CTNNA2: variants seen among roughly 807,000 people sequenced by gnomAD.
The protein encoded by CTNNA2 is catenin alpha 2.
CTNNA2 carries 42 observed loss-of-function variants against 101.0 expected under a neutral mutation model. That is an observed-to-expected ratio of 0.42 (90% CI 0.32 to 0.54). The LOEUF (loss-of-function observed/expected upper bound fraction) is 0.54, where lower values mean the gene tolerates loss of function less well. Among genes scored for constraint, CTNNA2 ranks in the 20% least tolerant of loss-of-function variants. The pLI, the probability that CTNNA2 is intolerant of heterozygous loss-of-function variation, is 0.14. For synonymous variants in CTNNA2, 450 were observed against 456.4 expected (o/e 0.99, Z 0.18); for missense variants, 871 against 1,223.1 (o/e 0.71, Z 4.29).
intron 18 of CTNNA2, among the ~76,000 whole-genome samples, chr2:80,631,875 T>C (rs1672331338): frequency 6.6e-6 from 1 of 152,122 alleles, no homozygotes; most frequent in African/African-American, 2.4e-5. Flanking sequence ...AGTGATGTAG[T>C]ACTTTTTGTT....
At chr2:79,774,518 G>C (rs114329409) in intron 3 of CTNNA2, among the ~76,000 whole-genome samples, 120 of 152,246 alleles carry the variant, frequency 7.9e-4, no homozygotes, top group African/African-American at 2.8e-3. Context: ...TAGACACTCT[G>C]GGCCAGGAGT....
chr2:79,253,372 A>G (rs1213963013), intron 2 of CTNNA2, among the ~76,000 whole-genome samples: 2 of 152,242 alleles, frequency 1.3e-5, no homozygotes, highest in Non-Finnish European at 2.9e-5. Context: ...ACTAATTAGC[A>G]TGGACAAACA....
chr2:79,865,003 G>A (rs1681923386), intron 4 of CTNNA2, among the ~76,000 whole-genome samples: 1 of 152,082 alleles, frequency 6.6e-6, no homozygotes, highest in Admixed American at 6.5e-5. Context: ...AATGACACTG[G>A]TGTCATTTTT....
At chr2:79,398,241 C>T (rs187536884) in intron 4 of CTNNA2, among the ~76,000 whole-genome samples, 47 of 152,198 alleles carry the variant, frequency 3.1e-4, no homozygotes, top group Admixed American at 1.1e-3. Context: ...CAATGGGATA[C>T]GGACGAGCTG....
Position 80,484,786 on chromosome 2 carries a change from C to T in CTNNA2, c.1291-60196C>T, listed in dbSNP as rs564856335. 4.6e-5 allele frequency among the ~76,000 whole-genome samples: 7 copies of T among 152,234 alleles called. No homozygotes were observed. In the South Asian group the frequency reaches 1.5e-3, roughly 32 times the overall value. On this transcript the variant is annotated intron_variant, in intron 9 of 18. Coordinates refer to ENST00000402739, the MANE Select transcript of CTNNA2 (RefSeq NM_001282597.3). ...CTTTGGGAGGCCAAGGCGGGCGGAT[C>T]ACTAGGTCCGGAGATCGAGACCATC... is the stretch of plus-strand genomic sequence containing the variant.
intron 3 of CTNNA2, among the ~76,000 whole-genome samples, chr2:79,833,310 T>C (rs940302125): frequency 2.0e-5 from 3 of 152,220 alleles, no homozygotes; most frequent in Non-Finnish European, 4.4e-5. Context: ...GCCATTGCAC[T>C]TCTGTCTGCT....
intron 3 of CTNNA2, among the ~76,000 whole-genome samples, chr2:79,754,088 C>T (rs979610121): frequency 1.3e-5 from 2 of 151,980 alleles, no homozygotes; most frequent in Admixed American, 6.6e-5. Context: ...AAGCTGGTCT[C>T]GAACTCCTGA....
chr2:79,494,959 T>C (rs1206814038), intron 4 of CTNNA2, among the ~76,000 whole-genome samples: 8 of 151,822 alleles, frequency 5.3e-5, no homozygotes, highest in South Asian at 4.2e-4. Flanking sequence ...AAAAATTAGC[T>C]GGGCGTGGTT....
intron 1 of CTNNA2, among the ~76,000 whole-genome samples, chr2:79,642,811 CT>C (rs1680538695): frequency 1.3e-5 from 2 of 150,634 alleles, no homozygotes; most frequent in South Asian, 4.2e-4. Flanking sequence ...CTGCTCCTAT[CT>C]GTGATACATA....
chr2:79,342,144 A>C (rs1051775540), intron 3 of CTNNA2, among the ~76,000 whole-genome samples: 1 of 152,232 alleles, frequency 6.6e-6, no homozygotes, highest in Non-Finnish European at 1.5e-5. Context: ...AATATATAGC[A>C]TATCTCATCA....
chr2:79,922,434 C>A (rs528067693), intron 7 of CTNNA2, among the ~76,000 whole-genome samples: 1 of 152,034 alleles, frequency 6.6e-6, no homozygotes, highest in Non-Finnish European at 1.5e-5. Context: ...CCTCTTCTTC[C>A]GTGTATCTTA....
intron 13 of CTNNA2, chr2:80,579,388 TTC>T: frequency 6.6e-6 from 1 of 152,256 alleles, no homozygotes; most frequent in Non-Finnish European, 1.5e-5. Context: ...GATTTACTTT[TTC>T]TCTTTCAAGA....
chr2:79,769,932 G>A (rs1260281701), intron 3 of CTNNA2, among the ~76,000 whole-genome samples: 1 of 152,168 alleles, frequency 6.6e-6, no homozygotes, highest in East Asian at 1.9e-4. Context: ...TGGCTACTGA[G>A]CACTTAAAAT....
At chr2:80,199,111 G>C (rs941838157) in intron 7 of CTNNA2, among the ~76,000 whole-genome samples, 9 of 150,054 alleles carry the variant, frequency 6.0e-5, no homozygotes, top group Admixed American at 1.3e-4. Flanking sequence ...GACCCAGGAG[G>C]CGGAGGTTGC....
At chr2:80,559,194 C>T (rs1693329699) in intron 12 of CTNNA2, among the ~76,000 whole-genome samples, 2 of 152,142 alleles carry the variant, frequency 1.3e-5, no homozygotes, top group Admixed American at 6.6e-5. Flanking sequence ...CAAGTTCAAA[C>T]AGGACAGATT....
chr2:79,695,841 G>C (rs1341519193), intron 2 of CTNNA2, among the ~76,000 whole-genome samples: 1 of 151,988 alleles, frequency 6.6e-6, no homozygotes, highest in Non-Finnish European at 1.5e-5. Flanking sequence ...GATTACTATG[G>C]GGTCCCCTAC....
Position 80,589,438 on chromosome 2 carries a change from G to C in CTNNA2, c.2142G>C (p.Leu714=). ...ACAGCGGCAATGATATCATTGTACTGGCCAAGCAGATGTGTATGATCATGA... is the reference window on the plus strand; with the variant it reads ...ACAGCGGCAATGATATCATTGTACTCGCCAAGCAGATGTGTATGATCATGA... The part of the protein sequence containing the change: ...WDDSGNDIIV[L]AKQMCMIMME... Residue 714 remains leucine (L), a synonymous_variant, in exon 15 of 19, where the codon CTG becomes CTC. Transcript: ENST00000402739. 2.5e-6 allele frequency: 4 copies of C among 1,614,094 alleles called. No individual in the cohort carries two copies. Among genetic ancestry groups the C allele is most frequent in the Non-Finnish European group, 3.4e-6 (4 of 1,179,982 alleles).
intron 7 of CTNNA2, among the ~76,000 whole-genome samples, chr2:79,945,642 G>T (rs997913012): frequency 1.3e-5 from 2 of 152,060 alleles, no homozygotes; most frequent in Admixed American, 1.3e-4. Flanking sequence ...TGACTTATTG[G>T]TTAAATTATA....
At chr2:79,362,949 T>C (rs905895517) in intron 3 of CTNNA2, among the ~76,000 whole-genome samples, 3 of 152,188 alleles carry the variant, frequency 2.0e-5, no homozygotes, top group Admixed American at 6.5e-5. Flanking sequence ...ACAAAGGCAA[T>C]GTGATGAAAA....
Sources: gnomAD v4.1 joint callset for allele counts (sites outside exome capture counted in the v4.1 genomes callset) on GRCh38, gnomAD v4.1.1 for gene constraint, MANE v1.5 for transcripts, NCBI Gene and HGNC (gene_info 2026-07-23, HGNC 2026-07-21) for gene names.